Variants in CREB5 observed in about 807,000 individuals in gnomAD.
CREB5 encodes cAMP responsive element binding protein 5, also known as cyclic AMP-responsive element-binding protein 5.
A neutral mutation model predicts 57.1 loss-of-function variants in CREB5; 19 were observed. That is an observed-to-expected ratio of 0.33 (90% CI 0.23 to 0.49). The LOEUF is 0.49. Ranked by LOEUF, CREB5 falls within the 20% of genes least tolerant of loss-of-function variation. CREB5 has a pLI of 0.99. For missense variants in CREB5, 579 were observed against 671.6 expected (o/e 0.86, Z 1.52); for synonymous variants, 238 against 238.3 (o/e 1.00, Z 0.01).
intron 5 of CREB5, among the ~76,000 whole-genome samples, chr7:28,653,219 T>A (rs945875842): frequency 4.6e-5 from 7 of 152,312 alleles, no homozygotes; most frequent in Non-Finnish European, 1.0e-4. Context: ...TAGCTACCAT[T>A]TGAAAAATAG....
chr7:28,484,203 G>A (rs1791464782), intron 1 of CREB5, among the ~76,000 whole-genome samples: 1 of 152,118 alleles, frequency 6.6e-6, no homozygotes, highest in South Asian at 2.1e-4. Context: ...TGAGTAATTT[G>A]CCCCCACCTG....
rs145228414 is a variant in CREB5, at chr7:28,771,895, A to C, written c.703-32304A>C. Among the ~76,000 whole-genome samples the C allele has an allele frequency of 8.8e-3, 1,336 of 152,062 alleles. 16 individuals are homozygous for C. Among genetic ancestry groups the C allele is most frequent in the African/African-American group, 0.03 (1,264 of 41,452 alleles). On this transcript the variant is annotated intron_variant, in intron 7 of 10. Transcript: ENST00000357727. ...AAGGTTTAGTAAGTGTGCTCCATAA[A>C]CTCAGGGAGCATCCCAGCCTTCCTC... is the stretch of plus-strand genomic sequence containing the variant.
Position 28,311,228 on chromosome 7 carries a change from A to G in CREB5, c.-25+11787A>G, listed in dbSNP as rs183493335. ...AGCCTACACTGCATTTAAGGAGGCAATATAAACGGCACTGTGACCAGTCAC... is the reference window on the plus strand; with the variant it reads ...AGCCTACACTGCATTTAAGGAGGCAGTATAAACGGCACTGTGACCAGTCAC... On this transcript the variant is annotated intron_variant, in intron 1 of 9. Coordinates refer to the CREB5 transcript ENST00000396299. Among the ~76,000 whole-genome samples, 514 of 152,242 alleles carry G rather than the reference A, an allele frequency of 3.4e-3. 3 individuals are homozygous for G. The highest frequency in any genetic ancestry group is 0.011 in the African/African-American group (459 of 41,542).
At position 28,822,224 on chromosome 7, in the gene CREB5, A is replaced by C. The variant is rs1562667601; in HGVS notation, c.*2945A>C. On this transcript the variant is annotated 3_prime_UTR_variant, in exon 11 of 11. Coordinates refer to ENST00000357727, the MANE Select transcript of CREB5 (RefSeq NM_182898.4). Reference sequence around the variant, plus strand: ...GTGTGTTCATTCACGGTATGGAAATACAGTAAATGAAAGATTCCAACTAGT... The same window carrying C: ...GTGTGTTCATTCACGGTATGGAAATCCAGTAAATGAAAGATTCCAACTAGT... The C allele has an allele frequency of 6.6e-6, 1 of 152,226 alleles. No individual in the cohort carries two copies. The highest frequency in any genetic ancestry group is 1.5e-5 in the Non-Finnish European group (1 of 68,036). 9.4% of individuals were successfully genotyped at this position (152,226 alleles called of 1,614,324 possible).
At chr7:28,518,213 T>G (rs1457959947) in intron 4 of CREB5, among the ~76,000 whole-genome samples, 1 of 152,214 alleles carries the variant, frequency 6.6e-6, no homozygotes, top group Non-Finnish European at 1.5e-5. Context: ...TTAATCATAG[T>G]GCTGACCGAA....
intron 1 of CREB5, among the ~76,000 whole-genome samples, chr7:28,301,620 A>G (rs982866202): frequency 1.3e-5 from 2 of 152,208 alleles, no homozygotes; most frequent in Admixed American, 6.5e-5. Flanking sequence ...AAGGGACTCT[A>G]TATTCTAGAA....
rs553274676 is a variant in CREB5 at position 28,589,106 on chromosome 7, A to G, written c.464+18569A>G. ...AAGCATGAAGAATTGTATATTCGCC[A>G]CCTAACATTCTACAATGGCTCTTTG... On this transcript the variant is annotated intron_variant, in intron 5 of 10. Transcript: ENST00000357727. Among the ~76,000 whole-genome samples the G allele has an allele frequency of 2.0e-5, 3 of 152,306 alleles. No individual in the cohort carries two copies. The East Asian group carries it at 5.8e-4, about 29-fold the overall frequency.
chr7:28,692,997 G>A (rs1450720343), intron 5 of CREB5, among the ~76,000 whole-genome samples: 2 of 152,196 alleles, frequency 1.3e-5, no homozygotes, highest in Non-Finnish European at 2.9e-5. Flanking sequence ...AGGCAATGCT[G>A]TACCCAAGAA....
intron 3 of CREB5, among the ~76,000 whole-genome samples, chr7:28,500,899 A>ACAATTAAT (rs1259197021): frequency 1.3e-5 from 2 of 152,068 alleles, no homozygotes; most frequent in Non-Finnish European, 2.9e-5. Context: ...GGTATATAGT[A>ACAATTAAT]ACTTCCCACC....
chr7:28,772,155 T>C (rs1177653619), intron 7 of CREB5, among the ~76,000 whole-genome samples: 1 of 152,204 alleles, frequency 6.6e-6, no homozygotes, highest in Admixed American at 6.5e-5. Context: ...GAGCAGATAC[T>C]GGTGGAGTTT....
At chr7:28,546,629 G>A (rs2128631226) in intron 4 of CREB5, among the ~76,000 whole-genome samples, 1 of 152,294 alleles carries the variant, frequency 6.6e-6, no homozygotes, top group Middle Eastern at 3.4e-3. Context: ...GTATATGTGG[G>A]CTGCCATTTA....
chr7:28,664,838 A>C (rs943232638), intron 5 of CREB5, among the ~76,000 whole-genome samples: 25 of 152,218 alleles, frequency 1.6e-4, no homozygotes, highest in Non-Finnish European at 2.8e-4. Context: ...GGGAAGAAAA[A>C]GAGAGTTTTA....
At chr7:28,556,280 T>C (rs1333312322) in intron 4 of CREB5, among the ~76,000 whole-genome samples, 4 of 152,198 alleles carry the variant, frequency 2.6e-5, no homozygotes, top group South Asian at 2.1e-4. Flanking sequence ...TAAGCCCGAT[T>C]GTTTCACCAG....
chr7:28,308,624 C>T (rs1300379239), intron 1 of CREB5, among the ~76,000 whole-genome samples: 3 of 152,130 alleles, frequency 2.0e-5, no homozygotes, highest in Non-Finnish European at 4.4e-5. Context: ...GCTCCCTTCC[C>T]TCCAATAGCT....
chr7:28,823,902 A>G lies in CREB5; in HGVS notation c.*4623A>G, dbSNP rs1475352715. 6.5e-6 allele frequency: 1 copy of G among 152,674 alleles called. No individual in the cohort carries two copies. The highest frequency in any genetic ancestry group is 1.5e-5 in the Non-Finnish European group (1 of 68,052). 9.5% of individuals were successfully genotyped at this position (152,674 alleles called of 1,614,324 possible). A position where few individuals can be genotyped will look rare whatever the true frequency, so the allele number is the denominator to read the frequency against. On this transcript the variant is annotated 3_prime_UTR_variant, in exon 11 of 11. Coordinates refer to ENST00000357727, the MANE Select transcript of CREB5 (RefSeq NM_182898.4). ...TGAATAAAACCGTGCCTATGCGAAC[A>G]GTAGCAATTTAGAATCTCTTTTCTG...
chr7:28,363,127 G>T (rs1786523158), intron 1 of CREB5, among the ~76,000 whole-genome samples: 1 of 152,150 alleles, frequency 6.6e-6, no homozygotes, highest in Non-Finnish European at 1.5e-5. Context: ...GACATTAGTA[G>T]AGCAGCCAAA....
intron 1 of CREB5, among the ~76,000 whole-genome samples, chr7:28,432,333 CTG>C (rs1192062062): frequency 6.6e-6 from 1 of 152,126 alleles, no homozygotes; most frequent in East Asian, 1.9e-4. Flanking sequence ...TTGGCATAAT[CTG>C]TGCATATTTT....
chr7:28,387,830 G>GA (rs1398437818), intron 1 of CREB5, among the ~76,000 whole-genome samples: 3 of 151,938 alleles, frequency 2.0e-5, no homozygotes, highest in Non-Finnish European at 4.4e-5. Flanking sequence ...GAAAAAGAAA[G>GA]AAAAAAATAT....
intron 4 of CREB5, among the ~76,000 whole-genome samples, chr7:28,526,659 G>C (rs1583579047): frequency 6.6e-6 from 1 of 152,308 alleles, no homozygotes; most frequent in East Asian, 1.9e-4. Flanking sequence ...CCATGGTTTA[G>C]GCAAACTCGA....
Sources: gnomAD v4.1 joint callset for allele counts (sites outside exome capture counted in the v4.1 genomes callset) on GRCh38, gnomAD v4.1.1 for gene constraint, MANE v1.5 for transcripts, NCBI Gene and HGNC (gene_info 2026-07-23, HGNC 2026-07-21) for gene names.